The following CYP4F11 variants were observed in gnomAD, a reference collection of about 807,000 sequenced individuals.
The protein encoded by CYP4F11 is cytochrome P450 family 4 subfamily F member 11.
In CYP4F11, 79 loss-of-function variants were observed where a neutral mutation model predicts 62.2. The ratio of observed to expected loss-of-function variants is 1.27; its 90% confidence interval spans 1.06 to 1.53. CYP4F11 has a LOEUF of 1.53. Ranked by LOEUF, CYP4F11 falls within the 40% of genes most tolerant of loss-of-function variation. CYP4F11 has a pLI of 0.00. For synonymous variants in CYP4F11, 290 were observed against 263.7 expected, an observed-to-expected ratio of 1.10 and a Z score of -0.97; for missense variants, 777 against 680.5, an observed-to-expected ratio of 1.14 and a Z score of -1.58.
At chr19:15,928,830 G>A (rs576912570) in intron 2 of CYP4F11, among the ~76,000 whole-genome samples, 35 of 152,242 alleles carry the variant, frequency 2.3e-4, no homozygotes, top group Admixed American at 1.2e-3. Flanking sequence ...GAATAGGGTG[G>A]ATGAGTGACA....
intron 8 of CYP4F11, among the ~76,000 whole-genome samples, chr19:15,919,086 C>T (rs1393185307): frequency 2.0e-5 from 3 of 148,632 alleles, no homozygotes; most frequent in African/African-American, 7.4e-5. Context: ...ATTTCATTGA[C>T]TCCTAATTAT....
At chr19:15,923,516 G>A (rs1294616161) in intron 6 of CYP4F11, among the ~76,000 whole-genome samples, 15 of 152,162 alleles carry the variant, frequency 9.9e-5, no homozygotes. Context: ...GTGATCCAGG[G>A]ATTTGGTGCA....
In CYP4F11 at chr19:15,912,809, T is replaced by TACAC. The variant is rs57767599; in HGVS notation, c.*922_*923insGTGT. 1 of 106,248 alleles carries TACAC rather than the reference T, an allele frequency of 9.4e-6. No individual in the cohort carries two copies. The highest frequency in any genetic ancestry group is 3.9e-4 in the South Asian group (1 of 2,540). The allele number at this position is 106,248 out of a possible 1,614,324, so 6.6% of individuals were successfully genotyped here. The stretch of plus-strand genomic sequence containing the variant: ...TATATAATATATATATATATATACA[T>TACAC]ATCTTATATGCACAGCCCTCTAGGA... On this transcript the variant is annotated 3_prime_UTR_variant, in exon 12 of 12. Transcript: ENST00000402119.
chr19:15,921,071 TC>T lies in CYP4F11; in HGVS notation c.1115+965del, dbSNP rs1448063763. ...CTCTTTCTGTCTCTCTCTCTCTCTC[TC>T]TCTCTCTCTCTCTCTCTCTCTCTCT... On this transcript the variant is annotated intron_variant, in intron 8 of 11. Transcript: ENST00000402119. 4.6e-4 allele frequency among the ~76,000 whole-genome samples: 4 copies of T among 8,670 alleles called. 1 individual carries two copies. The highest frequency in any genetic ancestry group is 7.8e-4 in the Non-Finnish European group (3 of 3,854). The allele number at this position is 8,670 out of a possible 152,430, so 5.7% of individuals were successfully genotyped here.
In CYP4F11 at chr19:15,922,308, G is replaced by T. The variant is rs1465245452; in HGVS notation, c.985+56C>A. On this transcript the variant is annotated intron_variant, in intron 7 of 11. Coordinates refer to ENST00000402119, the MANE Select transcript of CYP4F11 (RefSeq NM_021187.4). ...AAGTGATCCAGGGTCCACCCACTAC[G>T]TTCCTGGGATGGAGAGGCCCCTGTC... The T allele has an allele frequency of 2.1e-5, 33 of 1,607,924 alleles. No homozygotes were observed. The Admixed American group carries it at 3.3e-4, about 16-fold the overall frequency.
At chr19:15,922,000 G>A (rs747408776) in intron 8 of CYP4F11, 37 bp downstream of exon 8, 5 of 1,533,384 alleles carry the variant, frequency 3.3e-6, no homozygotes, top group Non-Finnish European at 4.4e-6. Context: ...CAGAACCAAT[G>A]ACAAAAGATC....
In CYP4F11 at chr19:15,929,609, C is replaced by T; in HGVS notation, c.199-8G>A. 1.3e-6 allele frequency: 2 copies of T among 1,585,562 alleles called. No individual in the cohort carries two copies. The highest frequency in any genetic ancestry group is 1.7e-6 in the Non-Finnish European group (2 of 1,164,536). ...CTCTTCCGTGGGAGTGACCTGAAAA[C>T]AAGGCAGAGGCCGTCAGCCCTTGTG... On this transcript the variant is annotated splice_region_variant and splice_polypyrimidine_tract_variant and intron_variant, in intron 1 of 11. Transcript: ENST00000402119.
intron 4 of CYP4F11, among the ~76,000 whole-genome samples, chr19:15,926,389 G>A (rs990444006): frequency 1.3e-5 from 2 of 152,176 alleles, no homozygotes; most frequent in African/African-American, 2.4e-5. Context: ...AATCCATGAA[G>A]TATTAACAAA....
At chr19:15,925,983 T>C (rs1450454392) in intron 4 of CYP4F11, among the ~76,000 whole-genome samples, 1 of 151,562 alleles carries the variant, frequency 6.6e-6, no homozygotes, top group Non-Finnish European at 1.5e-5. Context: ...GCTAACATGG[T>C]GAAACCCCGT....
rs1568479651 is a variant in CYP4F11, at chr19:15,912,759, G to GTGTATATATATA, written c.*972_*973insTATATATATACA. On this transcript the variant is annotated 3_prime_UTR_variant, in exon 12 of 12. Coordinates refer to ENST00000402119, the MANE Select transcript of CYP4F11 (RefSeq NM_021187.4). ...TATATGTATATATGTGTGTGTGTGTGTGTGTGTGTGTGTATATATATATAT... is the reference window on the plus strand; with the variant it reads ...TATATGTATATATGTGTGTGTGTGTGTGTATATATATATGTGTGTGTGTGTATATATATATAT... The GTGTATATATATA allele has an allele frequency of 2.7e-4, 12 of 44,872 alleles. No individual in the cohort carries two copies. The highest frequency in any genetic ancestry group is 1.1e-3 in the East Asian group (3 of 2,794). 2.8% of individuals were successfully genotyped at this position (44,872 alleles called of 1,614,324 possible). A position where few individuals can be genotyped will look rare whatever the true frequency, so the allele number is the denominator to read the frequency against.
At chr19:15,917,488 A>G (rs1298891175) in intron 8 of CYP4F11, among the ~76,000 whole-genome samples, 1 of 152,152 alleles carries the variant, frequency 6.6e-6, no homozygotes, top group East Asian at 1.9e-4. Flanking sequence ...CTGCAAGAAC[A>G]GAAAAACAGA....
chr19:15,930,818 A>T (rs1253196215), intron 1 of CYP4F11, among the ~76,000 whole-genome samples: 6 of 152,036 alleles, frequency 3.9e-5, no homozygotes, highest in Admixed American at 3.9e-4. Context: ...GCTGGTCCCC[A>T]CCAGCGGCTG....
At chr19:15,926,663 G>A (rs7247988) in intron 4 of CYP4F11, among the ~76,000 whole-genome samples, 3 of 152,088 alleles carry the variant, frequency 2.0e-5, no homozygotes, top group Non-Finnish European at 4.4e-5. Flanking sequence ...GGGTGCCTCC[G>A]GGAGGCAGAG....
Position 15,912,771 on chromosome 19 carries a change from G to GTGTA in CYP4F11, c.*960_*961insTACA, listed in dbSNP as rs1555776620. 0.021 allele frequency: 586 copies of GTGTA among 28,078 alleles called. 62 individuals carry two copies. The highest frequency in any genetic ancestry group is 0.071 in the African/African-American group (554 of 7,768). The allele number at this position is 28,078 out of a possible 1,614,324, so 1.7% of individuals were successfully genotyped here. ...TGTGTGTGTGTGTGTGTGTGTGTGTGTATATATATATATATATAATATATA... is the reference window on the plus strand; with the variant it reads ...TGTGTGTGTGTGTGTGTGTGTGTGTGTGTATATATATATATATATATAATATATA... On this transcript the variant is annotated 3_prime_UTR_variant, in exon 12 of 12. Coordinates refer to ENST00000402119, the MANE Select transcript of CYP4F11 (RefSeq NM_021187.4).
intron 8 of CYP4F11, among the ~76,000 whole-genome samples, chr19:15,917,047 A>T (rs60938236): frequency 0.12 from 18,306 of 152,218 alleles, 1,358 homozygotes; most frequent in South Asian, 0.16. Context: ...AAATGAGTGG[A>T]TAAAGAAAAT....
At chr19:15,920,497 A>G (rs1449798220) in intron 8 of CYP4F11, among the ~76,000 whole-genome samples, 1 of 152,202 alleles carries the variant, frequency 6.6e-6, no homozygotes, top group African/African-American at 2.4e-5. Flanking sequence ...AACAATGTGT[A>G]ATTTTGCTTG....
At chr19:15,925,367 A>G (rs2089660880) in intron 4 of CYP4F11, among the ~76,000 whole-genome samples, 1 of 152,182 alleles carries the variant, frequency 6.6e-6, no homozygotes, top group Non-Finnish European at 1.5e-5. Flanking sequence ...ATTCCTAAAT[A>G]TGTATCATGG....
intron 8 of CYP4F11, among the ~76,000 whole-genome samples, chr19:15,916,679 T>G (rs1282892614): frequency 3.3e-5 from 5 of 152,098 alleles, no homozygotes; most frequent in African/African-American, 1.2e-4. Flanking sequence ...TTAAAAATGC[T>G]CATCACTAAT....
intron 1 of CYP4F11, among the ~76,000 whole-genome samples, chr19:15,931,498 A>T (rs2089715629): frequency 6.6e-6 from 1 of 151,570 alleles, no homozygotes; most frequent in Non-Finnish European, 1.5e-5. Context: ...GAGGACAGGG[A>T]GGTGAGAAAG....
Sources: allele counts gnomAD v4.1 joint callset (sites outside exome capture counted in the v4.1 genomes callset), GRCh38; gene constraint gnomAD v4.1.1; transcripts MANE v1.5; gene names NCBI Gene and HGNC (gene_info 2026-07-23, HGNC 2026-07-21).